The following CNTLN variants were observed in gnomAD, a reference collection of about 807,000 sequenced individuals.
CNTLN encodes centlein.
CNTLN carries 212 observed loss-of-function variants against 180.0 expected under a neutral mutation model. The observed-to-expected ratio is 1.18, with a 90% CI of 1.05 to 1.32. The LOEUF (loss-of-function observed/expected upper bound fraction) is 1.32. Among genes scored for constraint, CNTLN ranks in the 40% most tolerant of loss-of-function variants. The pLI, the probability that CNTLN is intolerant of heterozygous loss-of-function variation, is 0.00. For synonymous variants in CNTLN, 722 were observed against 563.1 expected (o/e 1.28, Z -3.99); for missense variants, 2,095 against 1,610.9 (o/e 1.30, Z -5.14).
At position 17,457,634 on chromosome 9, in the gene CNTLN, A is replaced by T. The variant is rs749988445; in HGVS notation, c.3225A>T (p.Thr1075=). The T allele has an allele frequency of 6.4e-7, 1 of 1,556,058 alleles. No individual in the cohort carries two copies. Among genetic ancestry groups the T allele is most frequent in the Non-Finnish European group, 8.7e-7 (1 of 1,148,978 alleles). ...TSLAEENSQV[T]FPRIQVTSLS... ...TGGCAGAAGAAAATTCCCAGGTAAC[A>T]TTTCCACGGATACAAGTTACATCAC... The change falls in exon 19 of 26, where the codon ACA becomes ACT. Residue 1075 remains threonine, a synonymous_variant. Transcript: ENST00000380647.
intron 2 of CNTLN, among the ~76,000 whole-genome samples, chr9:17,162,261 C>G (rs1819733751): frequency 6.6e-6 from 1 of 152,064 alleles, no homozygotes; most frequent in African/African-American, 2.4e-5. Context: ...ACTACAGACA[C>G]CCACCACCGT....
intron 8 of CNTLN, among the ~76,000 whole-genome samples, chr9:17,326,017 A>T (rs1334996531): frequency 1.3e-5 from 2 of 152,102 alleles, no homozygotes; most frequent in South Asian, 4.1e-4. Context: ...AATTTAAAAA[A>T]TAGTAATTTG....
chr9:17,300,846 G>T (rs1169341791), intron 7 of CNTLN: 1 of 298,912 alleles, frequency 3.3e-6, no homozygotes, highest in Non-Finnish European at 4.9e-6. Context: ...AACATAACAG[G>T]TATTTAACCT....
chr9:17,232,627 C>T (rs1046477496), intron 3 of CNTLN, among the ~76,000 whole-genome samples: 1 of 151,972 alleles, frequency 6.6e-6, no homozygotes, highest in African/African-American at 2.4e-5. Flanking sequence ...ATTTTACAAA[C>T]AGTTTTAATG....
intron 18 of CNTLN, among the ~76,000 whole-genome samples, chr9:17,443,092 T>C (rs933581983): frequency 6.6e-6 from 1 of 152,196 alleles, no homozygotes; most frequent in Non-Finnish European, 1.5e-5. Context: ...TGCATTCTTT[T>C]TGAAATCAGG....
chr9:17,442,677 G>A (rs1830178430), intron 18 of CNTLN, among the ~76,000 whole-genome samples: 1 of 152,192 alleles, frequency 6.6e-6, no homozygotes, highest in East Asian at 1.9e-4. Flanking sequence ...GGGATTACAG[G>A]TGTAAGCCAC....
chr9:17,446,181 G>T (rs977444159), intron 18 of CNTLN, among the ~76,000 whole-genome samples: 4 of 152,010 alleles, frequency 2.6e-5, no homozygotes, highest in Admixed American at 6.6e-5. Context: ...TCAGAGGCTG[G>T]CGGGATCCTC....
chr9:17,466,647 A>G lies in CNTLN; in HGVS notation c.3670-59A>G, dbSNP rs1831766454. ...TTTTCCTTATTTGACATGTATAACT[A>G]ACTCTTCCAAATCTGTTTATAAAAT... On this transcript the variant is annotated intron_variant, in intron 22 of 25. Transcript: ENST00000380647. 2.9e-6 allele frequency: 4 copies of G among 1,392,628 alleles called. No homozygotes were observed. The African/African-American group carries it at 4.4e-5, about 15-fold the overall frequency. 86.3% of individuals were successfully genotyped at this position (1,392,628 alleles called of 1,614,324 possible). A position where few individuals can be genotyped will look rare whatever the true frequency, so the allele number is the denominator to read the frequency against.
chr9:17,388,636 ATAGT>A (rs767499927), intron 14 of CNTLN, among the ~76,000 whole-genome samples: 1 of 152,024 alleles, frequency 6.6e-6, no homozygotes, highest in Non-Finnish European at 1.5e-5. Context: ...AATACTGAGC[ATAGT>A]TATAGTTTTG....
chr9:17,251,950 A>G (rs529683274), intron 5 of CNTLN, among the ~76,000 whole-genome samples: 2 of 151,938 alleles, frequency 1.3e-5, no homozygotes, highest in Admixed American at 1.3e-4. Context: ...ACCACGAGAT[A>G]AGGTTTTTAG....
chr9:17,512,383 T>A, the CNTLN span, among the ~76,000 whole-genome samples: 8 of 152,204 alleles, frequency 5.3e-5, no homozygotes, highest in Non-Finnish European at 1.2e-4. Context: ...ATGGATGCAG[T>A]TGGAGGCCAT....
At chr9:17,371,760 A>G (rs932335944) in intron 13 of CNTLN, among the ~76,000 whole-genome samples, 1 of 152,180 alleles carries the variant, frequency 6.6e-6, no homozygotes, top group African/African-American at 2.4e-5. Context: ...AATAATATCA[A>G]GCATCTTACC....
chr9:17,346,126 A>G (rs1821870335), intron 12 of CNTLN, among the ~76,000 whole-genome samples: 2 of 152,304 alleles, frequency 1.3e-5, no homozygotes, highest in East Asian at 1.9e-4. Flanking sequence ...ACTTACAATC[A>G]TGGTGGAAGG....
chr9:17,463,353 T>A (rs1047695339), intron 20 of CNTLN, among the ~76,000 whole-genome samples: 1 of 151,652 alleles, frequency 6.6e-6, no homozygotes, highest in South Asian at 2.1e-4. Context: ...GTATTGGATT[T>A]AATGCCTAAG....
At chr9:17,312,109 G>C (rs1005769619) in intron 8 of CNTLN, among the ~76,000 whole-genome samples, 18 of 151,892 alleles carry the variant, frequency 1.2e-4, no homozygotes, top group African/African-American at 4.3e-4. Flanking sequence ...TATTCTGTAT[G>C]TTCTTGCTCC....
intron 12 of CNTLN, among the ~76,000 whole-genome samples, chr9:17,347,260 A>G (rs7864919): frequency 0.55 from 83,107 of 151,950 alleles, 23,455 homozygotes; most frequent in East Asian, 0.73. Context: ...TTTTCCTTGT[A>G]CTTTGTATGA....
intron 8 of CNTLN, 89 bp downstream of exon 8, chr9:17,309,341 A>C: frequency 9.9e-7 from 1 of 1,006,980 alleles, no homozygotes; most frequent in Non-Finnish European, 1.4e-6. Context: ...ATTTAAATAT[A>C]TTTGCATTTA....
intron 7 of CNTLN, among the ~76,000 whole-genome samples, chr9:17,304,045 G>T (rs1457529797): frequency 6.6e-6 from 1 of 151,852 alleles, no homozygotes; most frequent in Non-Finnish European, 1.5e-5. Context: ...CATTTATTAA[G>T]TAGATCTGTA....
chr9:17,464,427 T>C, intron 20 of CNTLN, 70 bp from the exon 21 acceptor site: 1 of 1,343,642 alleles, frequency 7.4e-7, no homozygotes, highest in Non-Finnish European at 1.0e-6. Context: ...TAATATTGGA[T>C]AAAATGTAAG....
Sources: allele counts gnomAD v4.1 joint callset (sites outside exome capture counted in the v4.1 genomes callset), GRCh38; gene constraint gnomAD v4.1.1; transcripts MANE v1.5; gene names NCBI Gene and HGNC (gene_info 2026-07-23, HGNC 2026-07-21).